The following MAN1C1 variants were observed in gnomAD, a reference collection of about 807,000 sequenced individuals.
The protein encoded by MAN1C1 is mannosidase alpha class 1C member 1.
A neutral mutation model predicts 71.5 loss-of-function variants in MAN1C1; 49 were observed. The ratio of observed to expected loss-of-function variants is 0.69; its 90% CI spans 0.54 to 0.87. MAN1C1 has a LOEUF of 0.87. Among genes scored for constraint, MAN1C1 ranks in the 40% least tolerant of loss-of-function variants. MAN1C1 has a pLI of 0.00. For synonymous variants in MAN1C1, 352 were observed against 343.7 expected (o/e 1.02, Z -0.27); for missense variants, 743 against 835.0 (o/e 0.89, Z 1.36).
At chr1:25,716,226 T>C (rs916325855) in intron 2 of MAN1C1, among the ~76,000 whole-genome samples, 3 of 152,196 alleles carry the variant, frequency 2.0e-5, no homozygotes, top group Non-Finnish European at 4.4e-5. Context: ...GTTGCTTCTG[T>C]TTCTATGGAA....
rs2047716560 is a variant in MAN1C1, at chr1:25,782,930, A to G, written c.1766+230A>G. 6.6e-6 allele frequency among the ~76,000 whole-genome samples: 1 copy of G among 152,186 alleles called. No homozygotes were observed. Among genetic ancestry groups the G allele is most frequent in the Non-Finnish European group, 1.5e-5 (1 of 68,030 alleles). ...AAGTTCCCTAGGGACGCACCGTGTG[A>G]TACCGCAGGTTCCTTCAGTTTCTCG... On this transcript the variant is annotated intron_variant, in intron 11 of 11. Transcript: ENST00000374332. This position sits in a 1 kb window ranked among gnomAD's most constrained non-coding sequence, Gnocchi z 4.4.
chr1:25,704,465 C>T (rs751263042), intron 2 of MAN1C1, among the ~76,000 whole-genome samples: 1 of 152,184 alleles, frequency 6.6e-6, no homozygotes, highest in Non-Finnish European at 1.5e-5. Context: ...GAAGCAGTAG[C>T]GACATCTGGG....
At chr1:25,673,113 G>A (rs886498822) in intron 1 of MAN1C1, among the ~76,000 whole-genome samples, 7 of 152,178 alleles carry the variant, frequency 4.6e-5, no homozygotes, top group African/African-American at 1.7e-4. Flanking sequence ...ATAGATTTGG[G>A]TGGGGAGGAA....
chr1:25,618,418 C>T, intron 1 of MAN1C1, 81 bp downstream of exon 1: 1 of 1,384,912 alleles, frequency 7.2e-7, no homozygotes, highest in Non-Finnish European at 9.8e-7. Context: ...CACCCCTTTC[C>T]CTTGCCTCAG....
At position 25,782,955 on chromosome 1, in the gene MAN1C1, G is replaced by A. The variant is rs114366340; in HGVS notation, c.1766+255G>A. The stretch of plus-strand genomic sequence containing the variant: ...ATACCGCAGGTTCCTTCAGTTTCTC[G>A]CTTATCTCCCCAGGTTGCTTCCGTT... On this transcript the variant is annotated intron_variant, in intron 11 of 11. Coordinates refer to ENST00000374332, the MANE Select transcript of MAN1C1 (RefSeq NM_020379.4). This position sits in a 1 kb window ranked among gnomAD's most constrained non-coding sequence, Gnocchi z 4.4. Among the ~76,000 whole-genome samples the A allele has an allele frequency of 3.3e-3, 500 of 152,278 alleles. 4 individuals carry two copies. The highest frequency in any genetic ancestry group is 0.012 in the African/African-American group (485 of 41,548).
intron 2 of MAN1C1, among the ~76,000 whole-genome samples, chr1:25,732,917 C>A (rs1476472842): frequency 1.3e-5 from 2 of 152,222 alleles, no homozygotes; most frequent in African/African-American, 4.8e-5. Context: ...CACCTCTTGG[C>A]TGTGGTCCAC....
chr1:25,746,721 G>T lies in MAN1C1; in HGVS notation c.691G>T (p.Glu231Ter). The part of the protein sequence containing the change: ...IDSLDTLYLM[E>*]LKEEFQEAKA... Reference sequence around the variant, plus strand: ...CTCCCTCGATACCCTCTACCTCATGGAGCTGAAGGAGGAGTTCCAGGAGGC... The same window carrying T: ...CTCCCTCGATACCCTCTACCTCATGTAGCTGAAGGAGGAGTTCCAGGAGGC... Residue 231 changes from glutamate to a stop codon, truncating the protein, a stop_gained, in exon 3 of 12, where the codon GAG (glutamate) becomes TAG (stop). Coordinates refer to ENST00000374332, the MANE Select transcript of MAN1C1 (RefSeq NM_020379.4). LOFTEE classifies it high-confidence loss of function. This position sits in a 1 kb window ranked among gnomAD's most constrained non-coding sequence, Gnocchi z 4.0. The T allele has an allele frequency of 6.2e-7, 1 of 1,611,204 alleles. No individual in the cohort carries two copies. The highest frequency in any genetic ancestry group is 1.3e-5 in the African/African-American group (1 of 74,884).
intron 1 of MAN1C1, 98 bp from the exon 2 acceptor site, chr1:25,686,342 A>G: frequency 1.0e-6 from 1 of 954,278 alleles, no homozygotes; most frequent in South Asian, 1.4e-5. Context: ...GTTATCTTTT[A>G]GTTTAAAAAC....
In MAN1C1 at chr1:25,753,227, A is replaced by G. The variant is rs563646448; in HGVS notation, c.835-257A>G. Among the ~76,000 whole-genome samples, 2 of 152,174 alleles carry G rather than the reference A, an allele frequency of 1.3e-5. No individual in the cohort carries two copies. Among genetic ancestry groups the G allele is most frequent in the African/African-American group, 4.8e-5 (2 of 41,498 alleles). ...CTGTGGTAGATGCTTTGCCACAATT[A>G]TCTAATTTTCATTTCTCCCAACAAC... On this transcript the variant is annotated intron_variant, in intron 4 of 11. Transcript: ENST00000374332. This position sits in a 1 kb window ranked among gnomAD's most constrained non-coding sequence, Gnocchi z 4.9.
intron 8 of MAN1C1, 86 bp downstream of exon 8, chr1:25,771,858 G>T: frequency 1.0e-6 from 1 of 975,554 alleles, no homozygotes; most frequent in South Asian, 1.4e-5. Context: ...GCGGGCAGCG[G>T]GGCCAGATGG....
Position 25,778,066 on chromosome 1 carries a change from ACGCC to A in MAN1C1, c.1258-37_1258-34del. On this transcript the variant is annotated intron_variant, in intron 8 of 11. Coordinates refer to ENST00000374332, the MANE Select transcript of MAN1C1 (RefSeq NM_020379.4). This position sits in a 1 kb window ranked among gnomAD's most constrained non-coding sequence, Gnocchi z 5.5. ...TTCCCCCCCTTCTCTGTGCCCTCCCACGCCCCTTCTCCCTGCCCAATCCCCACCT... is the reference window on the plus strand; with the variant it reads ...TTCCCCCCCTTCTCTGTGCCCTCCCACCTTCTCCCTGCCCAATCCCCACCT... 6.9e-7 allele frequency: 1 copy of A among 1,451,476 alleles called. No individual in the cohort carries two copies. Among genetic ancestry groups the A allele is most frequent in the African/African-American group, 1.4e-5 (1 of 70,308 alleles). The allele number at this position is 1,451,476 out of a possible 1,614,324, so 89.9% of individuals were successfully genotyped here.
intron 1 of MAN1C1, among the ~76,000 whole-genome samples, chr1:25,629,010 G>A (rs2045340453): frequency 6.6e-6 from 1 of 152,156 alleles, no homozygotes; most frequent in South Asian, 2.1e-4. Context: ...GGACACTTAG[G>A]TTGGTCCCAT....
At chr1:25,714,701 A>G (rs1338539741) in intron 2 of MAN1C1, among the ~76,000 whole-genome samples, 2 of 152,234 alleles carry the variant, frequency 1.3e-5, no homozygotes, top group African/African-American at 4.8e-5. Context: ...AATGCTGATA[A>G]TGTGAGATTG....
At chr1:25,767,042 C>T (rs75079727) in intron 7 of MAN1C1, among the ~76,000 whole-genome samples, 7,474 of 151,942 alleles carry the variant, frequency 0.049, 556 homozygotes, top group African/African-American at 0.17. Context: ...GAGACCAAGG[C>T]CCAGAGTGGG....
chr1:25,725,326 TG>T lies in MAN1C1; in HGVS notation c.638-21340del, dbSNP rs1268717267. Among the ~76,000 whole-genome samples, 1 of 152,232 alleles carries T rather than the reference TG, an allele frequency of 6.6e-6. No individual in the cohort carries two copies. Among genetic ancestry groups the T allele is most frequent in the Non-Finnish European group, 1.5e-5 (1 of 68,034 alleles). Reference sequence around the variant, plus strand: ...GGATGCTAGAGATGCAAAGGTGCACTGGCCACGTCCCTTGCCTCGAAAGAGT... The same window carrying T: ...GGATGCTAGAGATGCAAAGGTGCACTGCCACGTCCCTTGCCTCGAAAGAGT... On this transcript the variant is annotated intron_variant, in intron 2 of 11. Transcript: ENST00000374332. This position sits in a 1 kb window ranked among gnomAD's most constrained non-coding sequence, Gnocchi z 4.8.
At chr1:25,723,696 C>T (rs1408028203) in intron 2 of MAN1C1, among the ~76,000 whole-genome samples, 1 of 152,218 alleles carries the variant, frequency 6.6e-6, no homozygotes, top group Non-Finnish European at 1.5e-5. Flanking sequence ...CCCTGAGCCT[C>T]AACATCATCA....
intron 7 of MAN1C1, among the ~76,000 whole-genome samples, chr1:25,766,322 C>G (rs2047426020): frequency 6.6e-6 from 1 of 152,046 alleles, no homozygotes; most frequent in Non-Finnish European, 1.5e-5. Flanking sequence ...CCGGGGTCAT[C>G]TCAGGTTTCC....
chr1:25,783,141 G>A (rs1160251203), intron 11 of MAN1C1, among the ~76,000 whole-genome samples: 2 of 152,048 alleles, frequency 1.3e-5, no homozygotes, highest in Non-Finnish European at 2.9e-5. Context: ...CTTCCTCACT[G>A]TTCCCCAAAG....
At chr1:25,671,156 G>A (rs1016786310) in intron 1 of MAN1C1, among the ~76,000 whole-genome samples, 5 of 152,250 alleles carry the variant, frequency 3.3e-5, no homozygotes, top group Non-Finnish European at 5.9e-5. Context: ...TGGGATTACA[G>A]GCTTGAGCCA....
Sources: gnomAD v4.1 joint callset for allele counts (sites outside exome capture counted in the v4.1 genomes callset) on GRCh38, gnomAD v4.1.1 for gene constraint, Gnocchi (gnomAD v3.1) non-coding constraint, MANE v1.5 for transcripts, NCBI Gene and HGNC (gene_info 2026-07-23, HGNC 2026-07-21) for gene names.